Variants in TENM4 observed in about 807,000 individuals in gnomAD.
The protein encoded by TENM4 is teneurin-4.
Under a neutral mutation model 243.3 loss-of-function variants are expected in TENM4, and 82 were observed. The ratio of observed to expected loss-of-function variants is 0.34; its 90% CI spans 0.28 to 0.40. The LOEUF (loss-of-function observed/expected upper bound fraction) is 0.40, where lower values mean the gene tolerates loss of function less well. Among genes scored for constraint, TENM4 ranks in the 10% least tolerant of loss-of-function variants. The pLI is 1.00. For synonymous variants in TENM4, 1,412 were observed against 1,456.3 expected (o/e 0.97, Z 0.69); for missense variants, 3,138 against 3,673.3 (o/e 0.85, Z 3.77).
chr11:79,059,358 C>T (rs1235400827), intron 6 of TENM4, among the ~76,000 whole-genome samples: 1 of 152,192 alleles, frequency 6.6e-6, no homozygotes, highest in Non-Finnish European at 1.5e-5. Context: ...TCCTACTAGG[C>T]TTTCAAGCCC....
At chr11:79,056,900 G>A (rs78023937) in intron 6 of TENM4, among the ~76,000 whole-genome samples, 1,943 of 152,312 alleles carry the variant, frequency 0.013, 49 homozygotes, top group African/African-American at 0.044. Context: ...CAAGCCCCCC[G>A]TCCTTACAGT....
intron 1 of TENM4, among the ~76,000 whole-genome samples, chr11:79,354,237 G>T (rs577276487): frequency 6.6e-6 from 1 of 152,280 alleles, no homozygotes; most frequent in Admixed American, 6.5e-5. Flanking sequence ...TTAAGTTGAC[G>T]TTGTTTCCAG....
intron 1 of TENM4, among the ~76,000 whole-genome samples, chr11:79,379,057 A>G (rs143997523): frequency 6.6e-6 from 1 of 152,300 alleles, no homozygotes; most frequent in East Asian, 1.9e-4. Flanking sequence ...AGAAAATAAG[A>G]CAATGAGAGT....
intron 6 of TENM4, among the ~76,000 whole-genome samples, chr11:79,019,807 T>C (rs764241568): frequency 6.6e-5 from 10 of 152,130 alleles, no homozygotes; most frequent in East Asian, 1.9e-4. Flanking sequence ...GAAGGCAGCA[T>C]TGGGAGTTAA....
At chr11:79,151,563 G>A (rs770974625) in intron 3 of TENM4, among the ~76,000 whole-genome samples, 5 of 152,166 alleles carry the variant, frequency 3.3e-5, no homozygotes, top group Non-Finnish European at 7.3e-5. Flanking sequence ...GTCAAGGACA[G>A]TCATCCATGG....
At chr11:79,309,345 C>T (rs1856680985) in intron 1 of TENM4, among the ~76,000 whole-genome samples, 2 of 152,174 alleles carry the variant, frequency 1.3e-5, no homozygotes, top group Admixed American at 1.3e-4. Context: ...TTTTCCCATA[C>T]AGGCCAAGAG....
At chr11:78,769,454 T>C (rs1168732588) in intron 18 of TENM4, among the ~76,000 whole-genome samples, 1 of 152,208 alleles carries the variant, frequency 6.6e-6, no homozygotes, top group Non-Finnish European at 1.5e-5. Context: ...ACAGCACTTA[T>C]CACAGTTTAT....
intron 1 of TENM4, among the ~76,000 whole-genome samples, chr11:79,325,593 TG>T: frequency 6.6e-6 from 1 of 152,344 alleles, no homozygotes; most frequent in East Asian, 1.9e-4. Flanking sequence ...CGAGATTAAC[TG>T]TTAACTGAGA....
intron 1 of TENM4, among the ~76,000 whole-genome samples, chr11:79,378,457 A>G (rs1857935006): frequency 1.3e-5 from 2 of 152,202 alleles, no homozygotes; most frequent in African/African-American, 4.8e-5. Flanking sequence ...CTAAGTGAGG[A>G]GCATGGGAGG....
intron 7 of TENM4, among the ~76,000 whole-genome samples, 151 bp from the exon 8 acceptor site, chr11:78,891,487 C>T (rs1008030127): frequency 6.6e-6 from 1 of 152,236 alleles, no homozygotes. Context: ...GTGCAAGCCA[C>T]ATGTGCAAGG....
intron 10 of TENM4, 114 bp downstream of exon 10, chr11:78,862,848 G>GCTTC: frequency 9.0e-7 from 1 of 1,115,952 alleles, no homozygotes; most frequent in Non-Finnish European, 1.2e-6. Flanking sequence ...GATGGAGGGA[G>GCTTC]CGCCAGAGCA....
At chr11:79,201,374 T>C (rs755816175) in intron 3 of TENM4, among the ~76,000 whole-genome samples, 2 of 152,178 alleles carry the variant, frequency 1.3e-5, no homozygotes, top group Non-Finnish European at 2.9e-5. Flanking sequence ...CTCTGCCATA[T>C]GCCTGCTGTG....
intron 28 of TENM4, among the ~76,000 whole-genome samples, chr11:78,698,349 T>C (rs1859015837): frequency 6.6e-6 from 1 of 152,142 alleles, no homozygotes; most frequent in South Asian, 2.1e-4. Flanking sequence ...ATCGCACCAT[T>C]GCACTCCAGC....
intron 4 of TENM4, among the ~76,000 whole-genome samples, chr11:79,083,383 C>T (rs1033980855): frequency 1.3e-5 from 2 of 152,214 alleles, no homozygotes; most frequent in Non-Finnish European, 2.9e-5. Context: ...AGCCTTTATA[C>T]GTTTCTCAAC....
chr11:79,111,480 G>A (rs945060887), intron 4 of TENM4, among the ~76,000 whole-genome samples: 1 of 152,188 alleles, frequency 6.6e-6, no homozygotes, highest in African/African-American at 2.4e-5. Flanking sequence ...GGGAGGTGGA[G>A]CTTGCAGTGA....
intron 6 of TENM4, among the ~76,000 whole-genome samples, chr11:78,973,885 A>C (rs1166019177): frequency 6.6e-6 from 1 of 151,924 alleles, no homozygotes; most frequent in Non-Finnish European, 1.5e-5. Context: ...ATTTAAGCAG[A>C]GATTTGAAGT....
intron 2 of TENM4, among the ~76,000 whole-genome samples, chr11:79,235,547 T>C (rs1864449204): frequency 6.6e-6 from 1 of 152,128 alleles, no homozygotes; most frequent in South Asian, 2.1e-4. Context: ...GGCAAGACTG[T>C]TGTTAATGAT....
intron 9 of TENM4, among the ~76,000 whole-genome samples, chr11:78,866,367 A>C (rs984398914): frequency 1.3e-5 from 2 of 152,100 alleles, no homozygotes; most frequent in Non-Finnish European, 2.9e-5. Context: ...TAATCCCAGA[A>C]TGAATAGAAC....
intron 3 of TENM4, among the ~76,000 whole-genome samples, chr11:79,207,692 C>T (rs1373188182): frequency 6.6e-6 from 1 of 151,752 alleles, no homozygotes; most frequent in African/African-American, 2.4e-5. Flanking sequence ...TGGTGAAACC[C>T]CGTCTCTACA....
Sources: allele counts gnomAD v4.1 joint callset (sites outside exome capture counted in the v4.1 genomes callset), GRCh38; gene constraint gnomAD v4.1.1; transcripts MANE v1.5; gene names NCBI Gene and HGNC (gene_info 2026-07-23, HGNC 2026-07-21).